The following ADGRL3 variants were observed in gnomAD, a reference collection of about 807,000 sequenced individuals.
ADGRL3 encodes the protein calcium-independent alpha-latrotoxin receptor 3.
A neutral mutation model predicts 153.5 loss-of-function variants in ADGRL3; 62 were observed. The observed-to-expected ratio is 0.40, with a 90% confidence interval of 0.33 to 0.50. The LOEUF is 0.50. Ranked by LOEUF, ADGRL3 falls within the 20% of genes least tolerant of loss-of-function variation. ADGRL3 has a pLI of 0.47. For missense variants in ADGRL3, 1,641 were observed against 1,859.4 expected, an observed-to-expected ratio of 0.88 and a Z score of 2.16; for synonymous variants, 710 against 672.5, an observed-to-expected ratio of 1.06 and a Z score of -0.86.
chr4:61,426,927 C>T (rs1259837131), intron 2 of ADGRL3: 1 of 152,226 alleles, frequency 6.6e-6, no homozygotes, highest in Non-Finnish European at 1.5e-5. Flanking sequence ...GTGCAGGTCA[C>T]CCACTGGGGC....
At chr4:61,742,348 G>C (rs774105967) in intron 8 of ADGRL3, among the ~76,000 whole-genome samples, 1 of 151,854 alleles carries the variant, frequency 6.6e-6, no homozygotes, top group Non-Finnish European at 1.5e-5. Flanking sequence ...GAGCGATCTC[G>C]GCTCACTGCA....
At chr4:61,749,854 T>C (rs1004932133) in intron 8 of ADGRL3, among the ~76,000 whole-genome samples, 4 of 151,178 alleles carry the variant, frequency 2.6e-5, no homozygotes, top group Admixed American at 6.6e-5. Context: ...AAACTTAAAG[T>C]ATAATAATAA....
chr4:61,221,995 A>AC (rs1374223007), intron 1 of ADGRL3, among the ~76,000 whole-genome samples: 1 of 152,082 alleles, frequency 6.6e-6, no homozygotes, highest in Non-Finnish European at 1.5e-5. Context: ...TGCTGTGCCA[A>AC]CTCCATCATA....
chr4:61,878,121 G>A (rs2098486467), intron 9 of ADGRL3, among the ~76,000 whole-genome samples: 1 of 152,128 alleles, frequency 6.6e-6, no homozygotes, highest in Non-Finnish European at 1.5e-5. Context: ...ACAGCAGTGT[G>A]GAAACAGACT....
intron 6 of ADGRL3, among the ~76,000 whole-genome samples, chr4:61,716,479 AT>A (rs1455780465): frequency 6.6e-6 from 1 of 152,120 alleles, no homozygotes; most frequent in African/African-American, 2.4e-5. Context: ...AACTGGACAG[AT>A]TTATTGAGTT....
chr4:62,021,844 G>A (rs544492997), intron 21 of ADGRL3, among the ~76,000 whole-genome samples: 6 of 152,166 alleles, frequency 3.9e-5, no homozygotes, highest in African/African-American at 1.4e-4. Flanking sequence ...CTGTTCCACC[G>A]ACCAGCTGTT....
intron 1 of ADGRL3, among the ~76,000 whole-genome samples, chr4:61,352,292 A>T (rs985139998): frequency 6.6e-6 from 1 of 152,200 alleles, no homozygotes; most frequent in Non-Finnish European, 1.5e-5. Context: ...GGCTCAGATG[A>T]TTGTTAGCAT....
At chr4:61,931,624 G>A (rs897693589) in intron 13 of ADGRL3, among the ~76,000 whole-genome samples, 1 of 152,046 alleles carries the variant, frequency 6.6e-6, no homozygotes, top group Non-Finnish European at 1.5e-5. Flanking sequence ...ACATTTCCTT[G>A]CAGTTATACT....
At chr4:61,352,126 A>T (rs888692483) in intron 1 of ADGRL3, among the ~76,000 whole-genome samples, 1 of 152,116 alleles carries the variant, frequency 6.6e-6, no homozygotes, top group Non-Finnish European at 1.5e-5. Context: ...GTTGAGTCCA[A>T]CCCTCATGGA....
intron 1 of ADGRL3, among the ~76,000 whole-genome samples, chr4:61,369,850 A>G (rs925675682): frequency 5.9e-5 from 9 of 152,072 alleles, no homozygotes; most frequent in African/African-American, 1.7e-4. Flanking sequence ...CTGTGAATCC[A>G]TCTGGTCCTG....
chr4:61,372,850 A>G (rs2096553619), intron 1 of ADGRL3, among the ~76,000 whole-genome samples: 1 of 151,844 alleles, frequency 6.6e-6, no homozygotes, highest in Non-Finnish European at 1.5e-5. Flanking sequence ...TTGCAGTTTG[A>G]TCTCAGACTG....
intron 13 of ADGRL3, among the ~76,000 whole-genome samples, chr4:61,916,332 A>G (rs1440741258): frequency 6.6e-6 from 1 of 152,198 alleles, no homozygotes; most frequent in Non-Finnish European, 1.5e-5. Flanking sequence ...GTGTCATAGT[A>G]AAACATATTA....
At chr4:61,403,756 C>A (rs548111515) in intron 2 of ADGRL3, among the ~76,000 whole-genome samples, 1 of 152,044 alleles carries the variant, frequency 6.6e-6, no homozygotes, top group Non-Finnish European at 1.5e-5. Flanking sequence ...TGTGACTGAT[C>A]TCTTAACTTG....
At chr4:61,530,332 A>G (rs532903848) in intron 4 of ADGRL3, among the ~76,000 whole-genome samples, 1 of 151,914 alleles carries the variant, frequency 6.6e-6, no homozygotes, top group Non-Finnish European at 1.5e-5. Context: ...GAGGACAACT[A>G]TATGGACCAA....
intron 2 of ADGRL3, among the ~76,000 whole-genome samples, chr4:61,493,297 G>A (rs558476155): frequency 3.3e-5 from 5 of 151,928 alleles, no homozygotes; most frequent in African/African-American, 4.8e-5. Context: ...TATAAATTCC[G>A]TTTCCCACCT....
intron 25 of ADGRL3, among the ~76,000 whole-genome samples, chr4:62,060,251 A>G (rs1202045281): frequency 6.6e-6 from 1 of 151,990 alleles, no homozygotes; most frequent in Non-Finnish European, 1.5e-5. Context: ...AGACAAAGAA[A>G]TATTTTACTT....
chr4:61,621,974 CAGTT>C (rs2092550700), intron 5 of ADGRL3, among the ~76,000 whole-genome samples: 1 of 152,176 alleles, frequency 6.6e-6, no homozygotes, highest in African/African-American at 2.4e-5. Context: ...TTTAGTCAGA[CAGTT>C]AGACTGCAGT....
intron 9 of ADGRL3, among the ~76,000 whole-genome samples, chr4:61,847,417 A>T (rs1253922004): frequency 6.7e-6 from 1 of 149,838 alleles, no homozygotes; most frequent in African/African-American, 2.5e-5. Context: ...ACCACACCAA[A>T]TCTATAGTGC....
At chr4:61,418,245 A>G (rs1373624524) in intron 2 of ADGRL3, among the ~76,000 whole-genome samples, 1 of 152,214 alleles carries the variant, frequency 6.6e-6, no homozygotes, top group Non-Finnish European at 1.5e-5. Context: ...CATATCTGAA[A>G]GAGTAGAAGC....
Sources: allele counts gnomAD v4.1 joint callset (sites outside exome capture counted in the v4.1 genomes callset), GRCh38; gene constraint gnomAD v4.1.1; transcripts MANE v1.5; gene names NCBI Gene and HGNC (gene_info 2026-07-23, HGNC 2026-07-21).